Variants in RNF157 observed in about 807,000 individuals in gnomAD.
RNF157 encodes the protein ring finger protein 157.
Under a neutral mutation model 88.3 loss-of-function variants are expected in RNF157, and 55 were observed. The ratio of observed to expected loss-of-function variants is 0.62; its 90% CI spans 0.50 to 0.78. The LOEUF is 0.78. Among genes scored for constraint, RNF157 ranks in the 30% least tolerant of loss-of-function variants. The probability of loss-of-function intolerance (pLI) is 0.00; values close to 1 mark genes in which losing one functional copy is unlikely to be tolerated. For synonymous variants in RNF157, 334 were observed against 341.2 expected, an observed-to-expected ratio of 0.98 and a Z score of 0.23; for missense variants, 788 against 860.8, an observed-to-expected ratio of 0.92 and a Z score of 1.06.
chr17:76,145,417 A>C, intron 18 of RNF157, 64 bp from the exon 19 acceptor site: 4 of 1,279,710 alleles, frequency 3.1e-6, no homozygotes. Context: ...TGGTGTCTCC[A>C]GCAGGGCAGC....
At chr17:76,177,105 G>A (rs961204782) in intron 2 of RNF157, among the ~76,000 whole-genome samples, 1 of 152,134 alleles carries the variant, frequency 6.6e-6, no homozygotes, top group Non-Finnish European at 1.5e-5. Flanking sequence ...AGCTCATGGC[G>A]ATGTCACCCT....
chr17:76,158,600 CT>C, intron 12 of RNF157, 99 bp from the exon 13 acceptor site: 1 of 830,498 alleles, frequency 1.2e-6, no homozygotes, highest in Non-Finnish European at 2.0e-6. Context: ...ATATTTTTTG[CT>C]TGTTTATTTT....
intron 1 of RNF157, among the ~76,000 whole-genome samples, chr17:76,239,896 C>T (rs1056241628): frequency 3.9e-5 from 6 of 152,184 alleles, no homozygotes; most frequent in African/African-American, 1.2e-4. Flanking sequence ...CAATGGAGGC[C>T]GCTCCCGTCC....
chr17:76,198,659 C>T (rs1420335074), intron 2 of RNF157, among the ~76,000 whole-genome samples: 14 of 152,226 alleles, frequency 9.2e-5, no homozygotes, highest in Non-Finnish European at 2.9e-5. Context: ...CAACTGGTTA[C>T]CCTGTATCCG....
In RNF157 at chr17:76,143,681, C is replaced by T. The variant is rs898079906; in HGVS notation, c.*1554G>A. 6.6e-6 allele frequency: 1 copy of T among 152,222 alleles called. No individual in the cohort carries two copies. The highest frequency in any genetic ancestry group is 1.9e-4 in the East Asian group (1 of 5,204). The allele number at this position is 152,222 out of a possible 1,614,324, so 9.4% of individuals were successfully genotyped here. ...AGGCAGTGAGACAGTCACTGCACTC[C>T]TGGCCTCTGCAGCCACACAGAAACG... On this transcript the variant is annotated 3_prime_UTR_variant, in exon 19 of 19. Transcript: ENST00000269391.
At chr17:76,228,262 G>T (rs898579962) in intron 1 of RNF157, among the ~76,000 whole-genome samples, 1 of 152,116 alleles carries the variant, frequency 6.6e-6, no homozygotes, top group Admixed American at 6.5e-5. Context: ...ACATCAATGC[G>T]TCTAAAACCC....
intron 16 of RNF157, 77 bp from the exon 17 acceptor site, chr17:76,154,405 C>A: frequency 1.1e-6 from 1 of 935,532 alleles, no homozygotes; most frequent in South Asian, 1.3e-5. Context: ...CAGAACTAAT[C>A]ATCCTACTGG....
chr17:76,227,024 CG>C (rs2145065376), intron 1 of RNF157, among the ~76,000 whole-genome samples: 1 of 151,750 alleles, frequency 6.6e-6, no homozygotes, highest in East Asian at 1.9e-4. Flanking sequence ...ACCCTGAGGG[CG>C]GGGAGGAGGG....
intron 4 of RNF157, 24 bp from the exon 5 acceptor site, chr17:76,167,150 A>G: frequency 6.4e-7 from 1 of 1,562,812 alleles, no homozygotes; most frequent in Non-Finnish European, 8.8e-7. Flanking sequence ...TGGGAGGCAA[A>G]GCAAAAGTCA....
intron 1 of RNF157, among the ~76,000 whole-genome samples, chr17:76,215,177 A>T (rs1353461109): frequency 1.3e-5 from 2 of 152,114 alleles, no homozygotes; most frequent in African/African-American, 4.8e-5. Flanking sequence ...GGTGTGATGG[A>T]TCTTGCCTGT....
intron 16 of RNF157, 66 bp downstream of exon 16, chr17:76,155,186 C>T (rs2068743400): frequency 1.4e-6 from 2 of 1,440,832 alleles, no homozygotes; most frequent in South Asian, 1.1e-5. Context: ...TTACTGGCAT[C>T]CCCAGCCAAG....
chr17:76,149,906 C>T (rs1033419266), intron 18 of RNF157, among the ~76,000 whole-genome samples: 5 of 151,908 alleles, frequency 3.3e-5, no homozygotes, highest in Admixed American at 6.6e-5. Context: ...TGGTGGCGGG[C>T]GCCTGTAATC....
intron 2 of RNF157, among the ~76,000 whole-genome samples, chr17:76,200,033 C>T (rs374621483): frequency 2.6e-5 from 4 of 151,788 alleles, no homozygotes; most frequent in East Asian, 1.9e-4. Flanking sequence ...GTCAGGAGAT[C>T]GAGACCATCC....
intron 1 of RNF157, among the ~76,000 whole-genome samples, chr17:76,214,749 A>G (rs558162833): frequency 6.6e-6 from 1 of 152,282 alleles, no homozygotes; most frequent in East Asian, 1.9e-4. Flanking sequence ...GGAGGCAGAA[A>G]TATTTTCAGT....
chr17:76,201,140 T>G (rs2069569310), intron 2 of RNF157, among the ~76,000 whole-genome samples: 1 of 152,092 alleles, frequency 6.6e-6, no homozygotes, highest in South Asian at 2.1e-4. Context: ...ATTAAAATAC[T>G]TTTCATTTAA....
intron 2 of RNF157, among the ~76,000 whole-genome samples, chr17:76,198,901 C>T (rs2069523182): frequency 6.6e-6 from 1 of 152,222 alleles, no homozygotes; most frequent in East Asian, 1.9e-4. Context: ...TATGCTGAAT[C>T]ACCTGCAGTG....
rs1160282349 is a variant in RNF157, at chr17:76,191,832, G to C, written c.208-18042C>G. On this transcript the variant is annotated intron_variant, in intron 2 of 18. Transcript: ENST00000269391. The stretch of plus-strand genomic sequence containing the variant: ...TCTGATTAATTTCTGTAATAATCAG[G>C]GCTACTATTTTATTTGATTGGCCGG... Among the ~76,000 whole-genome samples, 4 of 151,998 alleles carry C rather than the reference G, an allele frequency of 2.6e-5. No homozygotes were observed. In the East Asian group the frequency reaches 7.7e-4, roughly 29 times the overall value.
intron 1 of RNF157, among the ~76,000 whole-genome samples, chr17:76,232,928 T>A (rs2070218849): frequency 6.7e-6 from 1 of 149,878 alleles, no homozygotes; most frequent in South Asian, 2.1e-4. Context: ...TCTCGCATAT[T>A]TTTTTTTTTT....
chr17:76,187,853 C>T (rs1268985495), intron 2 of RNF157, among the ~76,000 whole-genome samples: 4 of 152,096 alleles, frequency 2.6e-5, no homozygotes, highest in African/African-American at 9.7e-5. Flanking sequence ...CTGCCTTAGC[C>T]TTCCAAAATG....
Sources: gnomAD v4.1 joint callset for allele counts (sites outside exome capture counted in the v4.1 genomes callset) on GRCh38, gnomAD v4.1.1 for gene constraint, MANE v1.5 for transcripts, NCBI Gene and HGNC (gene_info 2026-07-23, HGNC 2026-07-21) for gene names.